Variants in DPP10 observed in about 807,000 individuals in gnomAD.
DPP10 encodes dipeptidyl peptidase like 10.
A neutral mutation model predicts 120.9 loss-of-function variants in DPP10; 33 were observed. The ratio of observed to expected loss-of-function variants is 0.27; its 90% CI spans 0.21 to 0.37. The LOEUF is 0.37. Ranked by LOEUF, DPP10 falls within the 10% of genes least tolerant of loss-of-function variation. DPP10 has a pLI of 1.00. For missense variants in DPP10, 816 were observed against 942.8 expected (o/e 0.87, Z 1.76); for synonymous variants, 337 against 326.1 (o/e 1.03, Z -0.36).
intron 1 of DPP10, among the ~76,000 whole-genome samples, chr2:114,680,134 G>T (rs148860047): frequency 6.6e-6 from 1 of 152,030 alleles, no homozygotes; most frequent in East Asian, 1.9e-4. Flanking sequence ...ATACTGTAAC[G>T]TCAGTGTCTA....
intron 1 of DPP10, among the ~76,000 whole-genome samples, chr2:114,456,150 G>T (rs1208497047): frequency 1.3e-5 from 2 of 152,190 alleles, no homozygotes; most frequent in Admixed American, 1.3e-4. Flanking sequence ...GAGACTGTAA[G>T]GGGAGGCCCA....
intron 1 of DPP10, among the ~76,000 whole-genome samples, chr2:114,687,109 T>C (rs1490406854): frequency 1.3e-5 from 2 of 151,984 alleles, no homozygotes; most frequent in South Asian, 2.1e-4. Flanking sequence ...AATCCCCATA[T>C]ATCTGTTACT....
chr2:115,012,102 C>G (rs1264689252), intron 1 of DPP10, among the ~76,000 whole-genome samples: 1 of 152,100 alleles, frequency 6.6e-6, no homozygotes, highest in Non-Finnish European at 1.5e-5. Flanking sequence ...GAGAACCACA[C>G]CCCGTCCTCC....
At chr2:114,621,987 A>G (rs1694126099) in intron 1 of DPP10, among the ~76,000 whole-genome samples, 1 of 151,876 alleles carries the variant, frequency 6.6e-6, no homozygotes, top group Non-Finnish European at 1.5e-5. Context: ...CTTAAAAACT[A>G]GTAGATAAAA....
At chr2:115,564,061 C>G (rs991016626) in intron 5 of DPP10, among the ~76,000 whole-genome samples, 18 of 152,016 alleles carry the variant, frequency 1.2e-4, no homozygotes, top group Non-Finnish European at 1.9e-4. Flanking sequence ...TCTCTGTGCC[C>G]CCTTCTGGAA....
intron 1 of DPP10, among the ~76,000 whole-genome samples, chr2:115,228,227 G>A (rs1387576779): frequency 2.6e-5 from 4 of 152,056 alleles, no homozygotes; most frequent in African/African-American, 9.7e-5. Context: ...GACTACAGGT[G>A]TGAGCCACTG....
intron 5 of DPP10, among the ~76,000 whole-genome samples, chr2:115,601,895 A>G (rs1300687817): frequency 2.0e-5 from 3 of 150,504 alleles, no homozygotes; most frequent in Admixed American, 1.3e-4. Flanking sequence ...ATTAGCCAAG[A>G]TGGTCTCAAT....
At chr2:114,463,044 C>A (rs1418958045) in intron 1 of DPP10, among the ~76,000 whole-genome samples, 1 of 152,130 alleles carries the variant, frequency 6.6e-6, no homozygotes, top group Non-Finnish European at 1.5e-5. Flanking sequence ...CCCGAGGACT[C>A]TGGTTTCTTT....
At chr2:114,698,593 A>T (rs1700201069) in intron 1 of DPP10, among the ~76,000 whole-genome samples, 1 of 152,154 alleles carries the variant, frequency 6.6e-6, no homozygotes, top group African/African-American at 2.4e-5. Context: ...GAGATCAGGG[A>T]GTAAGTAACA....
At chr2:115,757,381 G>A (rs1047066402) in intron 11 of DPP10, among the ~76,000 whole-genome samples, 1 of 151,998 alleles carries the variant, frequency 6.6e-6, no homozygotes, top group Non-Finnish European at 1.5e-5. Context: ...CTGCATGTCT[G>A]GGGAGGCCTC....
At chr2:115,252,872 G>A (rs1378790574) in intron 1 of DPP10, among the ~76,000 whole-genome samples, 2 of 152,140 alleles carry the variant, frequency 1.3e-5, no homozygotes, top group Non-Finnish European at 2.9e-5. Context: ...TTTGCCAAAG[G>A]CAAAGTTGTT....
intron 1 of DPP10, among the ~76,000 whole-genome samples, chr2:114,701,837 A>T (rs1409537787): frequency 1.3e-5 from 2 of 152,130 alleles, no homozygotes; most frequent in African/African-American, 4.8e-5. Flanking sequence ...ATAAAACAGG[A>T]ATAGCATTTG....
At chr2:115,492,648 G>A (rs1192725500) in intron 3 of DPP10, among the ~76,000 whole-genome samples, 1 of 152,066 alleles carries the variant, frequency 6.6e-6, no homozygotes, top group Non-Finnish European at 1.5e-5. Flanking sequence ...AAATATTAAA[G>A]TCATATCAAT....
chr2:115,222,268 C>CAGAG (rs1402440223), intron 1 of DPP10, among the ~76,000 whole-genome samples: 2 of 152,102 alleles, frequency 1.3e-5, no homozygotes, highest in Non-Finnish European at 2.9e-5. Flanking sequence ...CTCACCCAAC[C>CAGAG]AGAGGCATCT....
chr2:115,536,175 A>G (rs1275871445), intron 5 of DPP10, among the ~76,000 whole-genome samples: 2 of 152,068 alleles, frequency 1.3e-5, no homozygotes, highest in Non-Finnish European at 2.9e-5. Flanking sequence ...AGAGAAAACC[A>G]CTGTTAATGT....
rs114712380 is a variant in DPP10, at chr2:114,607,744, A to G, written c.60+164906A>G. ...CTTTGCCTTGTGTTCTCTGCATCTT[A>G]CTGAGAAGATGTTGTAATGTTATGC... On this transcript the variant is annotated intron_variant, in intron 1 of 25. Transcript: ENST00000410059. 6.5e-3 allele frequency among the ~76,000 whole-genome samples: 986 copies of G among 152,266 alleles called. 11 individuals are homozygous for G. The highest frequency in any genetic ancestry group is 0.022 in the African/African-American group (931 of 41,556).
intron 5 of DPP10, among the ~76,000 whole-genome samples, chr2:115,674,948 T>G (rs1477221443): frequency 6.6e-6 from 1 of 152,224 alleles, no homozygotes; most frequent in South Asian, 2.1e-4. Context: ...ATTCAGGTCA[T>G]TTTTCATAAG....
Position 115,083,054 on chromosome 2 carries a change from TAC to T in DPP10, c.61-226184_61-226183del, listed in dbSNP as rs560511315. Among the ~76,000 whole-genome samples, 45 of 152,380 alleles carry T rather than the reference TAC, an allele frequency of 3.0e-4. 1 individual carries two copies. The South Asian group carries it at 9.1e-3, about 31-fold the overall frequency. On this transcript the variant is annotated intron_variant, in intron 1 of 25. Transcript: ENST00000410059. ...GTATTGATTATTCGTAAACAATCTATACTCTTTTAGTGTCTATGACACTGGAT... is the reference window on the plus strand; with the variant it reads ...GTATTGATTATTCGTAAACAATCTATTCTTTTAGTGTCTATGACACTGGAT...
rs776476487 is a variant in DPP10, at chr2:115,746,158, A to G, written c.925A>G (p.Met309Val). ...TGGACCAACTCACACTTTGGAGCTC[A>G]TGCCACCTGACAGCTTTAAATCAAG... Reference protein sequence around the residue: ...LYGPTHTLELMPPDSFKSREY... With the variant: ...LYGPTHTLELVPPDSFKSREY... The change falls in exon 10 of 26, where the codon ATG (methionine) becomes GTG (valine). Residue 309 changes from methionine to valine, a missense_variant. Transcript: ENST00000410059. 1.2e-6 allele frequency: 2 copies of G among 1,611,088 alleles called. No individual in the cohort carries two copies. Among genetic ancestry groups the G allele is most frequent in the East Asian group, 2.2e-5 (1 of 44,790 alleles).
Sources: gnomAD v4.1 joint callset for allele counts (sites outside exome capture counted in the v4.1 genomes callset) on GRCh38, gnomAD v4.1.1 for gene constraint, MANE v1.5 for transcripts, NCBI Gene and HGNC (gene_info 2026-07-23, HGNC 2026-07-21) for gene names.